The following COL4A5 variants were observed in gnomAD, a reference collection of about 807,000 sequenced individuals.
The protein encoded by COL4A5 is collagen alpha-5(IV) chain.
COL4A5 carries 26 observed loss-of-function variants against 130.2 expected under a neutral mutation model. That is an observed-to-expected ratio of 0.20 (90% CI 0.15 to 0.28). The LOEUF (loss-of-function observed/expected upper bound fraction) is 0.28, where lower values mean the gene tolerates loss of function less well. COL4A5 is among the 10% of genes least tolerant of loss of function. The pLI is 1.00. For missense variants in COL4A5, 1,131 were observed against 1,344.3 expected, an observed-to-expected ratio of 0.84 and a Z score of 2.48; for synonymous variants, 496 against 439.6, an observed-to-expected ratio of 1.13 and a Z score of -1.60.
chrX:108,466,704 A>G (rs896843040), intron 1 of COL4A5, among the ~76,000 whole-genome samples: 2 of 109,517 alleles, frequency 1.8e-5, no homozygotes, highest in Non-Finnish European at 3.8e-5. Context: ...GGCTCAAGTG[A>G]TCTTCCCATC....
At chrX:108,465,506 A>G (rs1202532446) in intron 1 of COL4A5, among the ~76,000 whole-genome samples, 1 of 111,969 alleles carries the variant, frequency 8.9e-6, no homozygotes, top group African/African-American at 3.2e-5. Context: ...ACACACACGT[A>G]TATTATACAC....
intron 1 of COL4A5, among the ~76,000 whole-genome samples, chrX:108,506,415 C>T (rs1274620664): frequency 9.1e-6 from 1 of 109,676 alleles, no homozygotes; most frequent in Non-Finnish European, 1.9e-5. Flanking sequence ...AGACAGTGTT[C>T]TCCAACATTT....
At chrX:108,532,603 A>G (rs1401497572) in intron 1 of COL4A5, among the ~76,000 whole-genome samples, 1 of 111,507 alleles carries the variant, frequency 9.0e-6, no homozygotes, top group Non-Finnish European at 1.9e-5. Context: ...TGAAAAATAA[A>G]AAAGGCATCC....
chrX:108,458,702 C>T (rs1446268210), intron 1 of COL4A5, among the ~76,000 whole-genome samples: 3 of 111,744 alleles, frequency 2.7e-5, no homozygotes, highest in African/African-American at 6.5e-5. Context: ...CATCTTTGGC[C>T]GGGTGCGGTG....
intron 28 of COL4A5, among the ~76,000 whole-genome samples, chrX:108,605,910 C>T (rs1475010073): frequency 8.9e-6 from 1 of 111,931 alleles, no homozygotes. Flanking sequence ...ATAAATAATA[C>T]TGTGTTTGAG....
intron 36 of COL4A5, among the ~76,000 whole-genome samples, chrX:108,650,619 C>T (rs1041345944): frequency 1.8e-5 from 2 of 111,022 alleles, no homozygotes; most frequent in Admixed American, 1.9e-4. Context: ...AAATTAATGG[C>T]ATTTGCAGCG....
Position 108,697,522 on chromosome X carries a change from A to G in COL4A5, c.*1144A>G, listed in dbSNP as rs1219362266. 1 of 111,193 alleles carries G rather than the reference A, an allele frequency of 9.0e-6. No homozygotes were observed. Among genetic ancestry groups the G allele is most frequent in the Non-Finnish European group, 1.9e-5 (1 of 53,059 alleles). The allele number at this position is 111,193 out of a possible 1,213,427, so 9.2% of individuals were successfully genotyped here. ...TTTTAAACCCACCAATATAAATTTA[A>G]TTAAAGATATATGTTGTAAGGATGG... is the stretch of plus-strand genomic sequence containing the variant. On this transcript the variant is annotated 3_prime_UTR_variant, in exon 53 of 53. Transcript: ENST00000328300.
chrX:108,542,796 C>T (rs2065569353), intron 2 of COL4A5, among the ~76,000 whole-genome samples: 1 of 105,693 alleles, frequency 9.5e-6, no homozygotes, highest in Non-Finnish European at 1.9e-5. Context: ...TAATGATCGC[C>T]ATTCTAACTG....
chrX:108,440,570 C>G (rs1225785115), intron 1 of COL4A5: 1 of 213,450 alleles, frequency 4.7e-6, no homozygotes, highest in East Asian at 1.3e-4. Flanking sequence ...GGCGACTAAC[C>G]TTTTCACTAC....
intron 1 of COL4A5, among the ~76,000 whole-genome samples, chrX:108,441,014 G>A (rs1450201131): frequency 9.0e-6 from 1 of 111,350 alleles, no homozygotes; most frequent in Admixed American, 9.6e-5. Flanking sequence ...AAGTGGGGGA[G>A]GAGGTACATG....
intron 34 of COL4A5, among the ~76,000 whole-genome samples, chrX:108,625,391 T>C (rs1006043557): frequency 2.7e-5 from 3 of 112,495 alleles, no homozygotes; most frequent in Non-Finnish European, 5.6e-5. Context: ...GAAAATACAT[T>C]AAGGGTAGTT....
At chrX:108,666,265 C>T (rs929290805) in intron 38 of COL4A5, among the ~76,000 whole-genome samples, 1 of 111,759 alleles carries the variant, frequency 8.9e-6, no homozygotes, top group Admixed American at 9.5e-5. Flanking sequence ...TCGCACCTTA[C>T]TCTCTTAGAT....
chrX:108,468,112 T>C (rs1310352220), intron 1 of COL4A5, among the ~76,000 whole-genome samples: 2 of 111,952 alleles, frequency 1.8e-5, no homozygotes, highest in Admixed American at 9.5e-5. Context: ...TACTATATTT[T>C]AAATAATTTT....
intron 1 of COL4A5, among the ~76,000 whole-genome samples, chrX:108,507,376 A>G (rs2065136010): frequency 8.9e-6 from 1 of 112,217 alleles, no homozygotes; most frequent in Admixed American, 9.4e-5. Flanking sequence ...ATCCACTGCA[A>G]TCAAGTAGGC....
At chrX:108,508,127 A>G (rs985017527) in intron 1 of COL4A5, among the ~76,000 whole-genome samples, 3 of 111,473 alleles carry the variant, frequency 2.7e-5, no homozygotes, top group Non-Finnish European at 5.6e-5. Context: ...ATGATTCTAT[A>G]TCTAGAAAAC....
At chrX:108,620,109 T>C in intron 30 of COL4A5, 150 bp from the exon 31 acceptor site, 1 of 500,564 alleles carries the variant, frequency 2.0e-6, no homozygotes, top group Non-Finnish European at 3.5e-6. Flanking sequence ...GATTGTTCAG[T>C]TATTTTGTGT....
At chrX:108,606,608 A>G (rs746326909) in intron 28 of COL4A5, 134 bp from the exon 29 acceptor site, 118 of 671,965 alleles carry the variant, frequency 1.8e-4, no homozygotes, top group Middle Eastern at 3.0e-4. Flanking sequence ...CTTTTTATTT[A>G]ATTATCTTCT....
At chrX:108,684,741 T>C (rs892731903) in intron 47 of COL4A5, among the ~76,000 whole-genome samples, 29 of 112,502 alleles carry the variant, frequency 2.6e-4, no homozygotes, top group African/African-American at 6.5e-4. Context: ...GACTCCTCCC[T>C]AACTAATTTC....
At chrX:108,593,791 C>T (rs1306517261) in intron 21 of COL4A5, among the ~76,000 whole-genome samples, 1 of 111,849 alleles carries the variant, frequency 8.9e-6, no homozygotes, top group Non-Finnish European at 1.9e-5. Flanking sequence ...TGCACCAATA[C>T]GATACTATCT....
Sources: allele counts gnomAD v4.1 joint callset (sites outside exome capture counted in the v4.1 genomes callset), GRCh38; gene constraint gnomAD v4.1.1; transcripts MANE v1.5; gene names NCBI Gene and HGNC (gene_info 2026-07-23, HGNC 2026-07-21).